DIAPH3: variants seen among roughly 807,000 people sequenced by gnomAD.
DIAPH3 encodes the protein protein diaphanous homolog 3.
DIAPH3 carries 117 observed loss-of-function variants against 144.3 expected under a neutral mutation model. That is an observed-to-expected ratio of 0.81 (90% CI 0.70 to 0.95). The LOEUF is 0.95. Among genes scored for constraint, DIAPH3 ranks in the 40% least tolerant of loss-of-function variants. DIAPH3 has a pLI of 0.00. For missense variants in DIAPH3, 1,421 were observed against 1,412.7 expected, an observed-to-expected ratio of 1.01 and a Z score of -0.09; for synonymous variants, 519 against 488.9, an observed-to-expected ratio of 1.06 and a Z score of -0.81.
intron 27 of DIAPH3, among the ~76,000 whole-genome samples, chr13:59,716,157 C>A (rs1331462437): frequency 2.7e-5 from 4 of 147,832 alleles, no homozygotes; most frequent in Non-Finnish European, 5.9e-5. Flanking sequence ...AGGAATAATG[C>A]TGCGCTTGTA....
At position 59,674,846 on chromosome 13, in the gene DIAPH3, C is replaced by G. The variant is rs562152241; in HGVS notation, c.3320-8000G>C. Among the ~76,000 whole-genome samples the G allele has an allele frequency of 2.2e-4, 34 of 152,318 alleles. 1 individual carries two copies. In the South Asian group the frequency reaches 7.0e-3, roughly 32 times the overall value. Reference sequence around the variant, plus strand: ...GACAGCTGTCTCAGACTACTAAGCACTTGTGGTCACCTGGAGGTGGCTTGG... The same window carrying G: ...GACAGCTGTCTCAGACTACTAAGCAGTTGTGGTCACCTGGAGGTGGCTTGG... On this transcript the variant is annotated intron_variant, in intron 27 of 27. Coordinates refer to ENST00000400324, the MANE Select transcript of DIAPH3 (RefSeq NM_001042517.2).
intron 9 of DIAPH3, among the ~76,000 whole-genome samples, chr13:59,998,779 C>T (rs1204587734): frequency 6.6e-6 from 1 of 151,934 alleles, no homozygotes; most frequent in Non-Finnish European, 1.5e-5. Flanking sequence ...TATATCAACC[C>T]TATTCATGCA....
chr13:59,947,790 A>G (rs1014602810), intron 17 of DIAPH3, among the ~76,000 whole-genome samples: 3 of 152,182 alleles, frequency 2.0e-5, no homozygotes, highest in African/African-American at 4.8e-5. Context: ...TAAAATCATT[A>G]TTTATTATTT....
intron 27 of DIAPH3, among the ~76,000 whole-genome samples, chr13:59,772,652 T>G (rs1347643949): frequency 6.6e-6 from 1 of 152,108 alleles, no homozygotes; most frequent in African/African-American, 2.4e-5. Context: ...CCAAGACCAG[T>G]GTACAAAGTT....
At chr13:59,862,939 T>C (rs933856110) in intron 21 of DIAPH3, among the ~76,000 whole-genome samples, 2 of 152,174 alleles carry the variant, frequency 1.3e-5, no homozygotes, top group African/African-American at 4.8e-5. Context: ...TGGTTAAACC[T>C]CAGAGGAATA....
chr13:59,873,143 T>C (rs575029227), intron 21 of DIAPH3, among the ~76,000 whole-genome samples: 16 of 152,356 alleles, frequency 1.1e-4, no homozygotes, highest in African/African-American at 3.8e-4. Context: ...AGTATTTCTG[T>C]GATTTAACTG....
chr13:59,879,289 GT>G lies in DIAPH3; in HGVS notation c.2546del (p.Tyr849SerfsTer2), dbSNP rs749295034. The G allele has an allele frequency of 4.9e-4, 785 of 1,613,874 alleles. No individual in the cohort carries two copies. The highest frequency in any genetic ancestry group is 6.1e-4 in the Non-Finnish European group (725 of 1,179,846). On this transcript the variant is annotated frameshift_variant, in exon 21 of 28. Coordinates refer to ENST00000400324, the MANE Select transcript of DIAPH3 (RefSeq NM_001042517.2). LOFTEE classifies it high-confidence loss of function. Reference sequence around the variant, plus strand: ...GAGCATTCCGGGAGCCAGCATTCATGTAGTTTCCCATTAGCAATACAAGTTC... The same window carrying G: ...GAGCATTCCGGGAGCCAGCATTCATGAGTTTCCCATTAGCAATACAAGTTC... ...LLELVLLMGN[Y>X]MNAGSRNAQT...
chr13:60,138,901 A>C (rs192211161), intron 1 of DIAPH3, among the ~76,000 whole-genome samples: 12 of 151,834 alleles, frequency 7.9e-5, no homozygotes, highest in Admixed American at 6.6e-4. Flanking sequence ...ATCATAATCT[A>C]TGGCTGATAA....
chr13:59,915,288 A>G (rs535525754), intron 19 of DIAPH3, among the ~76,000 whole-genome samples: 36 of 152,210 alleles, frequency 2.4e-4, no homozygotes, highest in Admixed American at 1.3e-4. Context: ...CACAGCACAA[A>G]TCACTAGTGA....
At chr13:59,702,166 T>G (rs2034145040) in intron 27 of DIAPH3, among the ~76,000 whole-genome samples, 1 of 152,188 alleles carries the variant, frequency 6.6e-6, no homozygotes, top group Admixed American at 6.5e-5. Context: ...TTTCTTACCT[T>G]TAATTAGGAA....
At chr13:60,005,605 C>T (rs1171155177) in intron 9 of DIAPH3, among the ~76,000 whole-genome samples, 2 of 152,096 alleles carry the variant, frequency 1.3e-5, no homozygotes, top group Non-Finnish European at 2.9e-5. Flanking sequence ...CTCAGCTTCC[C>T]GAGTAGCTGG....
intron 24 of DIAPH3, among the ~76,000 whole-genome samples, chr13:59,825,444 C>T (rs2041347095): frequency 6.6e-6 from 1 of 152,096 alleles, no homozygotes; most frequent in African/African-American, 2.4e-5. Context: ...CATTGTTGGA[C>T]ATTTGGGTTG....
intron 20 of DIAPH3, among the ~76,000 whole-genome samples, chr13:59,900,375 G>A (rs2046363745): frequency 6.6e-6 from 1 of 152,014 alleles, no homozygotes; most frequent in Non-Finnish European, 1.5e-5. Context: ...ACGTTGTCAT[G>A]GCCACTAGCT....
In DIAPH3 at chr13:60,090,279, A is replaced by G. The variant is rs370371051; in HGVS notation, c.495+3349T>C. Among the ~76,000 whole-genome samples the G allele has an allele frequency of 3.3e-5, 5 of 152,064 alleles. No homozygotes were observed. The East Asian group carries it at 9.6e-4, about 29-fold the overall frequency. On this transcript the variant is annotated intron_variant, in intron 4 of 27. Coordinates refer to ENST00000400324, the MANE Select transcript of DIAPH3 (RefSeq NM_001042517.2). ...ACACTTCCTTAATAAAATTGTAATC[A>G]TTCTTCCTAACTGCACAAATTCAGT...
intron 19 of DIAPH3, among the ~76,000 whole-genome samples, chr13:59,913,224 T>G (rs1384258907): frequency 1.3e-5 from 2 of 152,158 alleles, no homozygotes; most frequent in East Asian, 3.8e-4. Flanking sequence ...ATTTTTTAAT[T>G]TTTTCACTCC....
chr13:60,140,030 A>G lies in DIAPH3; in HGVS notation c.181-7041T>C, dbSNP rs528268390. 4.6e-5 allele frequency among the ~76,000 whole-genome samples: 7 copies of G among 152,258 alleles called. No homozygotes were observed. The East Asian group carries it at 1.4e-3, about 29-fold the overall frequency. ...GAGAAGGCTGAAAAGCATTTACAGT[A>G]TTTGCTATACAGAGAATTAGAGATC... On this transcript the variant is annotated intron_variant, in intron 1 of 27. Coordinates refer to ENST00000400324, the MANE Select transcript of DIAPH3 (RefSeq NM_001042517.2).
chr13:59,792,278 T>TC lies in DIAPH3; in HGVS notation c.3164-17456dup, dbSNP rs1483890695. On this transcript the variant is annotated intron_variant, in intron 25 of 27. Coordinates refer to ENST00000400324, the MANE Select transcript of DIAPH3 (RefSeq NM_001042517.2). The stretch of plus-strand genomic sequence containing the variant: ...GCTATGTCAGGCTGTCACTTTTTTT[T>TC]CCTCATGTAAAAAGCACCCGCCTTT... Among the ~76,000 whole-genome samples the TC allele has an allele frequency of 2.0e-5, 3 of 152,254 alleles. No homozygotes were observed. The East Asian group carries it at 5.8e-4, about 29-fold the overall frequency.
At chr13:60,060,383 G>A (rs796998308) in intron 4 of DIAPH3, among the ~76,000 whole-genome samples, 11 of 152,186 alleles carry the variant, frequency 7.2e-5, no homozygotes, top group African/African-American at 2.6e-4. Flanking sequence ...GGAAGAAGCT[G>A]CAAAATTGAA....
At chr13:60,161,773 TA>T (rs1933276882) in intron 1 of DIAPH3, among the ~76,000 whole-genome samples, 1 of 152,024 alleles carries the variant, frequency 6.6e-6, no homozygotes, top group Non-Finnish European at 1.5e-5. Flanking sequence ...AGGAAATGTC[TA>T]AAGAAATAAA....
Sources: gnomAD v4.1 joint callset for allele counts (sites outside exome capture counted in the v4.1 genomes callset) on GRCh38, gnomAD v4.1.1 for gene constraint, MANE v1.5 for transcripts, NCBI Gene and HGNC (gene_info 2026-07-23, HGNC 2026-07-21) for gene names.